The following TBC1D24 variants were observed in gnomAD, a reference collection of about 807,000 sequenced individuals.
The protein encoded by TBC1D24 is Infantile myoclonic epilepsy.
Under a neutral mutation model 50.7 loss-of-function variants are expected in TBC1D24, and 47 were observed. The ratio of observed to expected loss-of-function variants is 0.93; its 90% CI spans 0.73 to 1.18. The LOEUF is 1.18. Among genes scored for constraint, TBC1D24 ranks in the 50% most tolerant of loss-of-function variants. TBC1D24 has a pLI of 0.00. For synonymous variants in TBC1D24, 324 were observed against 335.2 expected, an observed-to-expected ratio of 0.97 and a Z score of 0.36; for missense variants, 688 against 766.5, an observed-to-expected ratio of 0.90 and a Z score of 1.21.
Position 2,500,167 on chromosome 16 carries a change from G to C in TBC1D24, c.1303-101G>C. On this transcript the variant is annotated intron_variant, in intron 6 of 7. Coordinates refer to ENST00000646147, the MANE Select transcript of TBC1D24 (RefSeq NM_001199107.2). The surrounding 1 kb of genome is among the most constrained non-coding windows in gnomAD (Gnocchi z 8.0). ...CCTGGCTCGGGCTGCACCCACCTTG[G>C]GCTCTGGGTGCAGATTCACGGGATG... 7.9e-7 allele frequency: 1 copy of C among 1,260,150 alleles called. No individual in the cohort carries two copies. Among genetic ancestry groups the C allele is most frequent in the South Asian group, 1.3e-5 (1 of 78,326 alleles). The allele number at this position is 1,260,150 out of a possible 1,614,324, so 78.1% of individuals were successfully genotyped here.
In TBC1D24 at chr16:2,475,281, G is replaced by A. The variant is rs2065556703; in HGVS notation, c.-116+111G>A. Reference sequence around the variant, plus strand: ...TGCTGGGGGCGGGAGCGTGGGGGCCGGGCTGCGGGCCCCATTCGAGGCGGG... The same window carrying A: ...TGCTGGGGGCGGGAGCGTGGGGGCCAGGCTGCGGGCCCCATTCGAGGCGGG... On this transcript the variant is annotated intron_variant, in intron 1 of 7. Coordinates refer to ENST00000646147, the MANE Select transcript of TBC1D24 (RefSeq NM_001199107.2). The surrounding 1 kb of genome is among the most constrained non-coding windows in gnomAD (Gnocchi z 4.2). The A allele has an allele frequency of 6.7e-6, 1 of 150,238 alleles. No homozygotes were observed. The highest frequency in any genetic ancestry group is 1.5e-5 in the Non-Finnish European group (1 of 67,226). The allele number at this position is 150,238 out of a possible 1,614,324, so 9.3% of individuals were successfully genotyped here.
chr16:2,498,092 G>A, intron 3 of TBC1D24, 146 bp from the exon 4 acceptor site: 1 of 1,081,946 alleles, frequency 9.2e-7, no homozygotes, highest in Non-Finnish European at 1.3e-6. Flanking sequence ...TGGGCACCTA[G>A]AACCCGGCCC....
Position 2,502,924 on chromosome 16 carries a change from C to T in TBC1D24, c.*1966C>T, listed in dbSNP as rs1233171670. 6.6e-6 allele frequency: 1 copy of T among 152,612 alleles called. No individual in the cohort carries two copies. 9.5% of individuals were successfully genotyped at this position (152,612 alleles called of 1,614,324 possible). A position where few individuals can be genotyped will look rare whatever the true frequency, so the allele number is the denominator to read the frequency against. ...AGGGGCCTCCGGGGGCTTCCTGGGC[C>T]TACAGCCAAGCAGGTGTGGGAGGCT... On this transcript the variant is annotated 3_prime_UTR_variant, in exon 8 of 8. Transcript: ENST00000646147.
intron 1 of TBC1D24, among the ~76,000 whole-genome samples, chr16:2,488,382 A>G (rs60510900): frequency 0.086 from 13,023 of 152,014 alleles, 1,846 homozygotes; most frequent in African/African-American, 0.29. Flanking sequence ...GTAGAGCCAG[A>G]ACTGTGCCCT....
rs1263348204 is a variant in TBC1D24 at position 2,487,554 on chromosome 16, C to T, written c.-115-8480C>T. On this transcript the variant is annotated intron_variant, in intron 1 of 7. Transcript: ENST00000646147. The surrounding 1 kb of genome is among the most constrained non-coding windows in gnomAD (Gnocchi z 4.1). ...AAAATCACATTCCCCTCTGAAGAAG[C>T]GAGACGTGCAGAGGCCTCGTGACTC... Among the ~76,000 whole-genome samples the T allele has an allele frequency of 1.3e-5, 2 of 152,192 alleles. No homozygotes were observed. Among genetic ancestry groups the T allele is most frequent in the African/African-American group, 4.8e-5 (2 of 41,438 alleles).
chr16:2,491,207 G>A (rs1289527041), intron 1 of TBC1D24, among the ~76,000 whole-genome samples: 1 of 152,160 alleles, frequency 6.6e-6, no homozygotes, highest in African/African-American at 2.4e-5. Flanking sequence ...AGGGGAGTAG[G>A]ATTAGAGAGG....
chr16:2,500,683 T>G lies in TBC1D24; in HGVS notation c.1526-121T>G. ...AGCTGGTCCTGGGGGCTATGGAGGG[T>G]CAACGGTCTGTGCGGTTTCAGAGAG... On this transcript the variant is annotated intron_variant, in intron 7 of 7. Coordinates refer to ENST00000646147, the MANE Select transcript of TBC1D24 (RefSeq NM_001199107.2). This position sits in a 1 kb window ranked among gnomAD's most constrained non-coding sequence, Gnocchi z 8.0. 1 of 1,411,124 alleles carries G rather than the reference T, an allele frequency of 7.1e-7. No individual in the cohort carries two copies. The highest frequency in any genetic ancestry group is 9.5e-7 in the Non-Finnish European group (1 of 1,054,254). The allele number at this position is 1,411,124 out of a possible 1,614,324, so 87.4% of individuals were successfully genotyped here.
Position 2,500,798 on chromosome 16 carries a change from C to G in TBC1D24, c.1526-6C>G. On this transcript the variant is annotated splice_polypyrimidine_tract_variant and splice_region_variant and intron_variant, in intron 7 of 7. Coordinates refer to ENST00000646147, the MANE Select transcript of TBC1D24 (RefSeq NM_001199107.2). This position sits in a 1 kb window ranked among gnomAD's most constrained non-coding sequence, Gnocchi z 8.0. Reference sequence around the variant, plus strand: ...TCAGGCCGCCACTGACCTGAGCATCCTGCAGGGGGAGGAGGCGGCCAGGCG... The same window carrying G: ...TCAGGCCGCCACTGACCTGAGCATCGTGCAGGGGGAGGAGGCGGCCAGGCG... 1 of 1,601,992 alleles carries G rather than the reference C, an allele frequency of 6.2e-7. No homozygotes were observed. The highest frequency in any genetic ancestry group is 8.5e-7 in the Non-Finnish European group (1 of 1,179,226).
chr16:2,490,818 C>T (rs984015594), intron 1 of TBC1D24, among the ~76,000 whole-genome samples: 6 of 152,258 alleles, frequency 3.9e-5, no homozygotes, highest in Non-Finnish European at 8.8e-5. Flanking sequence ...CACAGTAGCC[C>T]CTGCCTCCCC....
chr16:2,476,526 T>C (rs2065570062), intron 1 of TBC1D24: 1 of 152,274 alleles, frequency 6.6e-6, no homozygotes, highest in Admixed American at 6.5e-5. Context: ...GGGTTGATCC[T>C]CATCTAATCT....
Position 2,500,713 on chromosome 16 carries a change from G to A in TBC1D24, c.1526-91G>A, listed in dbSNP as rs539606695. 182 of 1,495,512 alleles carry A rather than the reference G, an allele frequency of 1.2e-4. 4 individuals are homozygous for A. In the South Asian group the frequency reaches 2.0e-3, roughly 17 times the overall value. 92.6% of individuals were successfully genotyped at this position (1,495,512 alleles called of 1,614,324 possible). A position where few individuals can be genotyped will look rare whatever the true frequency, so the allele number is the denominator to read the frequency against. On this transcript the variant is annotated intron_variant, in intron 7 of 7. Coordinates refer to ENST00000646147, the MANE Select transcript of TBC1D24 (RefSeq NM_001199107.2). The surrounding 1 kb of genome is among the most constrained non-coding windows in gnomAD (Gnocchi z 8.0). Reference sequence around the variant, plus strand: ...GGTCTGTGCGGTTTCAGAGAGGCCCGTGCAGGGCAGGACAGCTGGGACAGC... The same window carrying A: ...GGTCTGTGCGGTTTCAGAGAGGCCCATGCAGGGCAGGACAGCTGGGACAGC...
chr16:2,497,601 C>T (rs2065754669), intron 2 of TBC1D24, 109 bp from the exon 3 acceptor site: 9 of 1,165,978 alleles, frequency 7.7e-6, no homozygotes, highest in Non-Finnish European at 1.1e-5. Context: ...GTGCAGCCCT[C>T]TTTCTTCTGG....
At chr16:2,494,782 G>A (rs1390893282) in intron 1 of TBC1D24, among the ~76,000 whole-genome samples, 1 of 152,114 alleles carries the variant, frequency 6.6e-6, no homozygotes, top group Non-Finnish European at 1.5e-5. Flanking sequence ...ATGTATTCCA[G>A]TAACTTCATA....
chr16:2,493,724 A>G (rs2065715104), intron 1 of TBC1D24: 1 of 152,190 alleles, frequency 6.6e-6, no homozygotes, highest in African/African-American at 2.4e-5. Context: ...TGATGTGCGT[A>G]AGCAAACCTT....
chr16:2,485,674 C>A lies in TBC1D24; in HGVS notation c.-115-10360C>A, dbSNP rs2065643605. Reference sequence around the variant, plus strand: ...GGGGGGCTTGTGGGATCTGAGCTATCTCCAGGTAGATGTCTCCCGGTGTCG... The same window carrying A: ...GGGGGGCTTGTGGGATCTGAGCTATATCCAGGTAGATGTCTCCCGGTGTCG... On this transcript the variant is annotated intron_variant, in intron 1 of 7. Coordinates refer to ENST00000646147, the MANE Select transcript of TBC1D24 (RefSeq NM_001199107.2). This position sits in a 1 kb window ranked among gnomAD's most constrained non-coding sequence, Gnocchi z 4.6. Among the ~76,000 whole-genome samples the A allele has an allele frequency of 6.6e-6, 1 of 152,200 alleles. No individual in the cohort carries two copies. Among genetic ancestry groups the A allele is most frequent in the Admixed American group, 6.5e-5 (1 of 15,280 alleles).
intron 2 of TBC1D24, among the ~76,000 whole-genome samples, 189 bp downstream of exon 2, chr16:2,497,302 C>T (rs2065752359): frequency 6.6e-6 from 1 of 152,250 alleles, no homozygotes; most frequent in Non-Finnish European, 1.5e-5. Context: ...CGAGGGACAT[C>T]GGGTCCTATC....
Position 2,503,867 on chromosome 16 carries a change from T to A in TBC1D24, c.*2909T>A, listed in dbSNP as rs1349426602. The A allele has an allele frequency of 6.6e-6, 1 of 152,154 alleles. No individual in the cohort carries two copies. Among genetic ancestry groups the A allele is most frequent in the Non-Finnish European group, 1.5e-5 (1 of 68,034 alleles). The allele number at this position is 152,154 out of a possible 1,614,324, so 9.4% of individuals were successfully genotyped here. On this transcript the variant is annotated 3_prime_UTR_variant, in exon 8 of 8. Transcript: ENST00000646147. The stretch of plus-strand genomic sequence containing the variant: ...GAGCCACCGCGCCTAGCCTATTTTT[T>A]AATTTTTTTGAATAGACCACTTTGT...
chr16:2,477,915 C>G (rs2065581543), intron 1 of TBC1D24: 1 of 152,310 alleles, frequency 6.6e-6, no homozygotes, highest in South Asian at 2.1e-4. Flanking sequence ...TGCCCACCAG[C>G]TCTTGGGAGA....
rs775881720 is a variant in TBC1D24, at chr16:2,487,709, T to C, written c.-115-8325T>C. The stretch of plus-strand genomic sequence containing the variant: ...TGGAGTTTGGTGCTGGAGTTTGGTG[T>C]TGGAGTTTGGTGTTTGGGGATGGCA... On this transcript the variant is annotated intron_variant, in intron 1 of 7. Coordinates refer to ENST00000646147, the MANE Select transcript of TBC1D24 (RefSeq NM_001199107.2). This position sits in a 1 kb window ranked among gnomAD's most constrained non-coding sequence, Gnocchi z 4.1. Among the ~76,000 whole-genome samples the C allele has an allele frequency of 1.6e-4, 23 of 148,372 alleles. No homozygotes were observed. The highest frequency in any genetic ancestry group is 9.8e-4 in the East Asian group (5 of 5,116).
Sources: allele counts gnomAD v4.1 joint callset (sites outside exome capture counted in the v4.1 genomes callset), GRCh38; gene constraint gnomAD v4.1.1; non-coding constraint Gnocchi (gnomAD v3.1); transcripts MANE v1.5; gene names NCBI Gene and HGNC (gene_info 2026-07-23, HGNC 2026-07-21).